The following COBLL1 variants were observed in gnomAD, a reference collection of about 807,000 sequenced individuals.
COBLL1 encodes the protein cordon-bleu protein-like 1.
Under a neutral mutation model 94.8 loss-of-function variants are expected in COBLL1, and 50 were observed. The ratio of observed to expected loss-of-function variants is 0.53; its 90% CI spans 0.42 to 0.67. COBLL1 has a LOEUF of 0.67. Ranked by LOEUF, COBLL1 falls within the 30% of genes least tolerant of loss-of-function variation. COBLL1 has a pLI of 0.00. For missense variants in COBLL1, 1,362 were observed against 1,348.7 expected, an observed-to-expected ratio of 1.01 and a Z score of -0.15; for synonymous variants, 448 against 473.8, an observed-to-expected ratio of 0.95 and a Z score of 0.71.
chr2:164,826,731 A>C (rs964628368), intron 2 of COBLL1, among the ~76,000 whole-genome samples: 3 of 152,214 alleles, frequency 2.0e-5, no homozygotes, highest in African/African-American at 7.2e-5. Context: ...AACCAAAACT[A>C]ATGCTGTTAA....
intron 5 of COBLL1, 194 bp from the exon 6 acceptor site, chr2:164,722,716 G>A (rs1230416759): frequency 3.1e-6 from 1 of 321,692 alleles, no homozygotes; most frequent in African/African-American, 2.1e-5. Flanking sequence ...CACAGCAGAG[G>A]AAACTGAAGC....
At chr2:164,819,352 G>T (rs994561750) in intron 2 of COBLL1, among the ~76,000 whole-genome samples, 2 of 151,992 alleles carry the variant, frequency 1.3e-5, no homozygotes, top group Non-Finnish European at 2.9e-5. Context: ...ACATAAAAGA[G>T]ATAAAGCATA....
intron 2 of COBLL1, among the ~76,000 whole-genome samples, chr2:164,750,023 G>T (rs1252806069): frequency 6.6e-6 from 1 of 152,028 alleles, no homozygotes; most frequent in Non-Finnish European, 1.5e-5. Context: ...TCTAAATGTT[G>T]GGGCAACCCA....
At chr2:164,689,821 A>G (rs1449904897) in intron 13 of COBLL1, among the ~76,000 whole-genome samples, 1 of 152,168 alleles carries the variant, frequency 6.6e-6, no homozygotes, top group African/African-American at 2.4e-5. Context: ...GCCTACATCA[A>G]TAAGCCCTCA....
At chr2:164,687,369 C>T in intron 13 of COBLL1, 1 of 753,008 alleles carries the variant, frequency 1.3e-6, no homozygotes. Flanking sequence ...ACTTCTCAGC[C>T]ACCATGTCTT....
chr2:164,728,039 C>T lies in COBLL1; in HGVS notation c.591G>A (p.Glu197=), dbSNP rs538404200. The stretch of plus-strand genomic sequence containing the variant: ...TAAGAGATTTTGTCAAGTCAAGAGG[C>T]TCCTGCGATTGATAATCTTTCAACA... ...TLLLKDYQSQ[E]PLDLTKSLND... The change falls in exon 5 of 14, where the codon GAG becomes GAA. Residue 197 remains glutamate, a synonymous_variant. Transcript: ENST00000652658. The T allele has an allele frequency of 9.2e-5, 148 of 1,613,782 alleles. 1 individual carries two copies. In the South Asian group the frequency reaches 1.5e-3, roughly 17 times the overall value.
chr2:164,689,738 T>C (rs1017221489), intron 13 of COBLL1, among the ~76,000 whole-genome samples: 1 of 152,186 alleles, frequency 6.6e-6, no homozygotes, highest in Non-Finnish European at 1.5e-5. Flanking sequence ...TTTGAATATT[T>C]TTATTGCATT....
intron 7 of COBLL1, 70 bp from the exon 8 acceptor site, chr2:164,705,175 AC>A (rs1684520317): frequency 8.0e-7 from 1 of 1,253,750 alleles, no homozygotes; most frequent in Non-Finnish European, 1.1e-6. Context: ...AAGACACTGA[AC>A]TTTACGTCAA....
chr2:164,821,203 T>C lies in COBLL1; in HGVS notation c.41+19953A>G, dbSNP rs529312481. On this transcript the variant is annotated intron_variant, in intron 2 of 13. Transcript: ENST00000652658. ...TGCCCAGCCATGGACAATTTTTAATTAGATGAGTATCCATGTCAAAATGAA... is the reference window on the plus strand; with the variant it reads ...TGCCCAGCCATGGACAATTTTTAATCAGATGAGTATCCATGTCAAAATGAA... Among the ~76,000 whole-genome samples the C allele has an allele frequency of 3.3e-5, 5 of 152,206 alleles. No homozygotes were observed. In the South Asian group the frequency reaches 6.2e-4, roughly 19 times the overall value.
chr2:164,826,920 TTTTTG>T lies in COBLL1; in HGVS notation c.41+14231_41+14235del, dbSNP rs1419482089. ...CGTTTTTTTTTTTGTTTCTCTCTCT[TTTTTG>T]TTTTGTTTTGTGGGTTTTTTGTTTT... On this transcript the variant is annotated intron_variant, in intron 2 of 13. Coordinates refer to ENST00000652658, the MANE Select transcript of COBLL1 (RefSeq NM_001365672.2). Among the ~76,000 whole-genome samples the T allele has an allele frequency of 1.3e-4, 20 of 152,098 alleles. No individual in the cohort carries two copies. In the East Asian group the frequency reaches 3.7e-3, roughly 28 times the overall value.
intron 2 of COBLL1, among the ~76,000 whole-genome samples, chr2:164,796,725 A>AAAAAAAAAAAC (rs756287598): frequency 7.0e-6 from 1 of 143,746 alleles, no homozygotes; most frequent in Non-Finnish European, 1.5e-5. Flanking sequence ...AAAAAAAAAA[A>AAAAAAAAAAAC]AGGAGAGGGA....
chr2:164,722,376 T>C (rs771400685), intron 6 of COBLL1, 49 bp downstream of exon 6: 10 of 1,501,394 alleles, frequency 6.7e-6, no homozygotes, highest in Non-Finnish European at 5.4e-6. Flanking sequence ...CATTAGTAAT[T>C]AAAAATAATT....
At position 164,804,117 on chromosome 2, in the gene COBLL1, A is replaced by G. The variant is rs2105324971; in HGVS notation, c.41+37039T>C. Among the ~76,000 whole-genome samples the G allele has an allele frequency of 1.3e-5, 2 of 152,036 alleles. 1 individual carries two copies. Among genetic ancestry groups the G allele is most frequent in the South Asian group, 4.1e-4 (2 of 4,826 alleles). Reference sequence around the variant, plus strand: ...ACCAATGTTAGGCCTTAGCAAAAAAAAAAAAAAAAGGACATGTTTTAAGCA... The same window carrying G: ...ACCAATGTTAGGCCTTAGCAAAAAAGAAAAAAAAAGGACATGTTTTAAGCA... On this transcript the variant is annotated intron_variant, in intron 2 of 13. Transcript: ENST00000652658.
intron 2 of COBLL1, among the ~76,000 whole-genome samples, chr2:164,660,860 T>G (rs905899881): frequency 9.9e-5 from 15 of 152,202 alleles, no homozygotes; most frequent in Non-Finnish European, 2.2e-4. Context: ...AAAATGGGTT[T>G]GATTGAAACA....
chr2:164,826,093 C>T (rs1685415654), intron 2 of COBLL1, among the ~76,000 whole-genome samples: 1 of 152,092 alleles, frequency 6.6e-6, no homozygotes, highest in Non-Finnish European at 1.5e-5. Flanking sequence ...TCAGTCTTAA[C>T]AAAATCAAAG....
At chr2:164,687,672 T>C (rs754232995) in intron 13 of COBLL1, 9 of 784,556 alleles carry the variant, frequency 1.1e-5, no homozygotes, top group Non-Finnish European at 2.0e-5. Context: ...TAGAGCAACC[T>C]ATAGAGGAAA....
At chr2:164,835,465 A>G (rs1683277126) in intron 2 of COBLL1, among the ~76,000 whole-genome samples, 1 of 152,186 alleles carries the variant, frequency 6.6e-6, no homozygotes, top group South Asian at 2.1e-4. Context: ...GAGACAAAGT[A>G]GAATGGTGGT....
chr2:164,679,802 A>C (rs901602874), downstream of COBLL1, among the ~76,000 whole-genome samples: 1 of 151,764 alleles, frequency 6.6e-6, no homozygotes, highest in Non-Finnish European at 1.5e-5. Context: ...CGGGGGCTAG[A>C]GGAGGGATAT....
chr2:164,674,029 T>C (rs1209301129), intron 1 of COBLL1, among the ~76,000 whole-genome samples: 2 of 152,176 alleles, frequency 1.3e-5, no homozygotes, highest in East Asian at 3.9e-4. Context: ...TTAGTCAAGC[T>C]AAAATATAAA....
Sources: gnomAD v4.1 joint callset for allele counts (sites outside exome capture counted in the v4.1 genomes callset) on GRCh38, gnomAD v4.1.1 for gene constraint, MANE v1.5 for transcripts, NCBI Gene and HGNC (gene_info 2026-07-23, HGNC 2026-07-21) for gene names.